MYO1H: variants seen among roughly 807,000 people sequenced by gnomAD.
The protein encoded by MYO1H is myosin IH, also known as unconventional myosin-Ih.
MYO1H carries 118 observed loss-of-function variants against 149.3 expected under a neutral mutation model. The ratio of observed to expected loss-of-function variants is 0.79; its 90% CI spans 0.68 to 0.92. The LOEUF is 0.92. Among genes scored for constraint, MYO1H ranks in the 40% least tolerant of loss-of-function variants. The probability of loss-of-function intolerance (pLI) is 0.00; values close to 1 mark genes in which losing one functional copy is unlikely to be tolerated. For synonymous variants in MYO1H, 447 were observed against 465.2 expected (o/e 0.96, Z 0.50); for missense variants, 1,212 against 1,280.7 (o/e 0.95, Z 0.82).
At chr12:109,311,602 A>G in the MYO1H span, among the ~76,000 whole-genome samples, 2 of 152,168 alleles carry the variant, frequency 1.3e-5, no homozygotes, top group Non-Finnish European at 2.9e-5. Context: ...AAATGAGGAC[A>G]CCTGTACTAG....
chr12:109,438,232 C>T (rs922206054), intron 22 of MYO1H, among the ~76,000 whole-genome samples: 5 of 152,016 alleles, frequency 3.3e-5, no homozygotes, highest in African/African-American at 1.2e-4. Context: ...CTAATCTGTA[C>T]CATCACAAGT....
In MYO1H at chr12:109,443,393, C is replaced by CACAT. The variant is rs377010202; in HGVS notation, c.2689-120_2689-119insCATA. On this transcript the variant is annotated intron_variant, in intron 27 of 31. Coordinates refer to ENST00000310903, the Ensembl canonical transcript of MYO1H. ...ACACACACACACACACACACACACACATACACGCAAAATCTGTTTGAGCTT... is the reference window on the plus strand; with the variant it reads ...ACACACACACACACACACACACACACACATATACACGCAAAATCTGTTTGAGCTT... 9.4e-6 allele frequency: 8 copies of CACAT among 853,562 alleles called. 1 individual carries two copies. The highest frequency in any genetic ancestry group is 6.7e-4 in the Middle Eastern group (2 of 2,996). 52.9% of individuals were successfully genotyped at this position (853,562 alleles called of 1,614,324 possible).
chr12:109,361,240 A>G (rs1015457878), intron 1 of MYO1H, among the ~76,000 whole-genome samples: 1 of 152,192 alleles, frequency 6.6e-6, no homozygotes, highest in Non-Finnish European at 1.5e-5. Flanking sequence ...TTAATAAATT[A>G]TAAAGTGTAC....
intron 1 of MYO1H, among the ~76,000 whole-genome samples, chr12:109,349,370 A>G (rs1868405185): frequency 6.6e-6 from 1 of 152,224 alleles, no homozygotes; most frequent in Admixed American, 6.5e-5. Context: ...AGATTAAAAA[A>G]GAACAAACTG....
chr12:109,440,511 A>G (rs1872072343), intron 24 of MYO1H: 1 of 482,242 alleles, frequency 2.1e-6, no homozygotes, highest in Non-Finnish European at 3.8e-6. Context: ...CATTATAGCC[A>G]GTTCTGCAGG....
chr12:109,432,839 G>C (rs78622470), intron 19 of MYO1H, 58 bp from the exon 20 acceptor site: 44 of 1,455,048 alleles, frequency 3.0e-5, no homozygotes, highest in East Asian at 4.5e-5. Flanking sequence ...CCGGGGATGT[G>C]GGGGAGGGCT....
chr12:109,370,565 C>T (rs777363629), intron 1 of MYO1H, among the ~76,000 whole-genome samples: 1 of 152,170 alleles, frequency 6.6e-6, no homozygotes, highest in African/African-American at 2.4e-5. Context: ...GCCCAGTTAC[C>T]GGGCTCTGTG....
At chr12:109,320,780 T>C in the MYO1H span, among the ~76,000 whole-genome samples, 3 of 152,064 alleles carry the variant, frequency 2.0e-5, no homozygotes, top group African/African-American at 4.8e-5. Context: ...AGGAGAATAT[T>C]GGGAAGGACT....
upstream of MYO1H, among the ~76,000 whole-genome samples, chr12:109,347,423 A>G (rs1370443222): frequency 2.0e-5 from 3 of 152,096 alleles, no homozygotes; most frequent in African/African-American, 7.2e-5. Flanking sequence ...AATGAAAGTA[A>G]AGTCCTGAGT....
At chr12:109,318,972 G>GTTTTTGTT in the MYO1H span, among the ~76,000 whole-genome samples, 38 of 77,246 alleles carry the variant, frequency 4.9e-4, no homozygotes, top group Non-Finnish European at 6.9e-4. Context: ...TTTTGGTTTT[G>GTTTTTGTT]TTTTTTTTTT....
chr12:109,315,688 A>G, the MYO1H span, among the ~76,000 whole-genome samples: 1 of 152,236 alleles, frequency 6.6e-6, no homozygotes, highest in Non-Finnish European at 1.5e-5. Context: ...GGCTGGTCCC[A>G]GGGTTTTCAG....
At position 109,447,158 on chromosome 12, in the gene MYO1H, G is replaced by T. The variant is rs762375706; in HGVS notation, c.3094-1G>T. 2.1e-5 allele frequency: 33 copies of T among 1,598,590 alleles called. No individual in the cohort carries two copies. The Middle Eastern group carries it at 2.0e-3, about 96-fold the overall frequency. ...TAAACCGAAGTGTGACTCTCTCCCAGGTGTCAGTCCGGAGGAAGTCCTGAT... is the reference window on the plus strand; with the variant it reads ...TAAACCGAAGTGTGACTCTCTCCCATGTGTCAGTCCGGAGGAAGTCCTGAT... On this transcript the variant is annotated splice_acceptor_variant, in intron 31 of 31. Transcript: ENST00000310903. LOFTEE classifies it high-confidence loss of function.
chr12:109,342,657 C>A, the MYO1H span, among the ~76,000 whole-genome samples: 29,159 of 150,854 alleles, frequency 0.19, 4,295 homozygotes, highest in African/African-American at 0.41. Flanking sequence ...ATCCTCCCAC[C>A]TCAGCCTTCC....
chr12:109,445,806 GAGAAA>G (rs917390193), intron 31 of MYO1H, 194 bp downstream of exon 31: 37 of 985,250 alleles, frequency 3.8e-5, no homozygotes, highest in Admixed American at 3.1e-4. Flanking sequence ...AACACTGAAT[GAGAAA>G]AGAAAAAAAG....
At chr12:109,341,152 G>T in the MYO1H span, among the ~76,000 whole-genome samples, 1 of 129,298 alleles carries the variant, frequency 7.7e-6, no homozygotes, top group Admixed American at 9.7e-5. Flanking sequence ...TGTGCCACTT[G>T]CACTCTAGCC....
intron 1 of MYO1H, among the ~76,000 whole-genome samples, chr12:109,370,173 C>G (rs1421234104): frequency 2.6e-5 from 4 of 152,174 alleles, no homozygotes; most frequent in Admixed American, 2.6e-4. Context: ...CTCCCTAACC[C>G]AGATTCCCAG....
intron 1 of MYO1H, among the ~76,000 whole-genome samples, chr12:109,374,600 C>T (rs893714664): frequency 6.6e-6 from 1 of 152,052 alleles, no homozygotes; most frequent in African/African-American, 2.4e-5. Flanking sequence ...ATGCTTGTCC[C>T]CCACAGCACA....
At chr12:109,429,695 T>C (rs1177169792) in intron 19 of MYO1H, among the ~76,000 whole-genome samples, 2 of 152,074 alleles carry the variant, frequency 1.3e-5, no homozygotes, top group African/African-American at 4.8e-5. Context: ...CAGGGATATG[T>C]TATTTGAAGA....
chr12:109,393,293 C>A, intron 2 of MYO1H, 38 bp from the exon 3 acceptor site: 9 of 1,318,718 alleles, frequency 6.8e-6, no homozygotes, highest in Non-Finnish European at 9.6e-6. Context: ...CTTTTGCACC[C>A]CAGAATTCCT....
Sources: gnomAD v4.1 joint callset for allele counts (sites outside exome capture counted in the v4.1 genomes callset) on GRCh38, gnomAD v4.1.1 for gene constraint, MANE v1.5 for transcripts, NCBI Gene and HGNC (gene_info 2026-07-23, HGNC 2026-07-21) for gene names.